SH2D4A: variants seen among roughly 807,000 people sequenced by gnomAD.
SH2D4A encodes the protein SH2 domain containing 4A.
Under a neutral mutation model 64.7 loss-of-function variants are expected in SH2D4A, and 70 were observed. The ratio of observed to expected loss-of-function variants is 1.08; its 90% confidence interval spans 0.89 to 1.32. The LOEUF is 1.32. Ranked by LOEUF, SH2D4A falls within the 40% of genes most tolerant of loss-of-function variation. The pLI is 0.00. For synonymous variants in SH2D4A, 268 were observed against 200.7 expected, an observed-to-expected ratio of 1.34 and a Z score of -2.83; for missense variants, 706 against 540.1, an observed-to-expected ratio of 1.31 and a Z score of -3.04.
intron 4 of SH2D4A, among the ~76,000 whole-genome samples, chr8:19,354,774 T>C (rs893828704): frequency 3.9e-5 from 6 of 152,182 alleles, no homozygotes; most frequent in African/African-American, 1.4e-4. Context: ...TGGCGGGATA[T>C]TGAGGGGAAA....
At chr8:19,381,921 C>A (rs942577372) in intron 8 of SH2D4A, among the ~76,000 whole-genome samples, 1 of 151,812 alleles carries the variant, frequency 6.6e-6, no homozygotes, top group African/African-American at 2.4e-5. Context: ...TTCATTTATC[C>A]TGTTAATACG....
Position 19,334,849 on chromosome 8 carries a change from A to G in SH2D4A, c.505A>G (p.Lys169Glu). 1 of 1,603,114 alleles carries G rather than the reference A, an allele frequency of 6.2e-7. No individual in the cohort carries two copies. Among genetic ancestry groups the G allele is most frequent in the Non-Finnish European group, 8.5e-7 (1 of 1,177,352 alleles). ...GCCAGCACCAACCCTGGAAGAAGAG[A>G]AAATCCGAGTGAGTCCTTACTGTCT... ...SRPAPTLEEE[K>E]IRSLSSSSRN... The change falls in exon 4 of 10, where the codon AAA becomes GAA. Residue 169 changes from lysine to glutamate, a missense_variant. Physicochemically the swap from Lys to Glu is moderately conservative, Grantham distance 56. Transcript: ENST00000265807.
chr8:19,366,586 G>A (rs979511202), intron 7 of SH2D4A, among the ~76,000 whole-genome samples: 3 of 152,124 alleles, frequency 2.0e-5, no homozygotes, highest in Admixed American at 2.0e-4. Flanking sequence ...CATGAGGTCA[G>A]GAGTTCGAGA....
intron 8 of SH2D4A, among the ~76,000 whole-genome samples, chr8:19,374,472 T>C (rs1262629212): frequency 6.6e-6 from 1 of 152,214 alleles, no homozygotes; most frequent in Non-Finnish European, 1.5e-5. Context: ...GTCCTAAGCA[T>C]GTCTTGGTTT....
chr8:19,334,733 A>T lies in SH2D4A; in HGVS notation c.389A>T (p.Gln130Leu). 1 of 1,612,974 alleles carries T rather than the reference A, an allele frequency of 6.2e-7. No homozygotes were observed. The change falls in exon 4 of 10, where the codon CAG (glutamine) becomes CTG (leucine). Residue 130 changes from glutamine (Q) to leucine (L), a missense_variant. Coordinates refer to ENST00000265807, the MANE Select transcript of SH2D4A (RefSeq NM_022071.4). ...EFTNSLKTKSQYHDLQAPDNQ... is the reference protein window; with the variant it reads ...EFTNSLKTKSLYHDLQAPDNQ... ...ACCAATAGCTTGAAAACAAAATCACAGTACCATGATCTGCAGGCTCCGGAT... is the reference window on the plus strand; with the variant it reads ...ACCAATAGCTTGAAAACAAAATCACTGTACCATGATCTGCAGGCTCCGGAT...
chr8:19,363,280 T>C (rs2052925159), intron 6 of SH2D4A, among the ~76,000 whole-genome samples: 2 of 152,090 alleles, frequency 1.3e-5, no homozygotes, highest in South Asian at 4.1e-4. Context: ...TTTCACCATG[T>C]TGGCCAGGCT....
intron 4 of SH2D4A, among the ~76,000 whole-genome samples, chr8:19,339,743 C>T (rs919024319): frequency 3.9e-5 from 6 of 152,082 alleles, no homozygotes; most frequent in African/African-American, 1.4e-4. Flanking sequence ...TCAGGTGATC[C>T]TCCCACCTCA....
At chr8:19,384,023 T>A (rs2053343241) in intron 8 of SH2D4A, among the ~76,000 whole-genome samples, 1 of 152,236 alleles carries the variant, frequency 6.6e-6, no homozygotes, top group African/African-American at 2.4e-5. Flanking sequence ...ATCAGATTTG[T>A]GCAGTTTAAG....
intron 2 of SH2D4A, among the ~76,000 whole-genome samples, chr8:19,325,255 A>T (rs2052258822): frequency 6.6e-6 from 1 of 152,042 alleles, no homozygotes; most frequent in Non-Finnish European, 1.5e-5. Flanking sequence ...TTCCATAGAG[A>T]TTTCCCACTA....
chr8:19,373,778 CA>C, intron 8 of SH2D4A, 118 bp downstream of exon 8: 3 of 1,326,904 alleles, frequency 2.3e-6, no homozygotes, highest in African/African-American at 1.5e-5. Flanking sequence ...AAGAGTCTTT[CA>C]GATTATTTCA....
intron 4 of SH2D4A, among the ~76,000 whole-genome samples, chr8:19,353,656 C>T (rs2052743175): frequency 6.7e-6 from 1 of 149,158 alleles, no homozygotes; most frequent in African/African-American, 2.5e-5. Context: ...CGTGAGCCAC[C>T]ACACCTGGCC....
chr8:19,343,462 A>C (rs2052560054), intron 4 of SH2D4A, among the ~76,000 whole-genome samples: 1 of 152,048 alleles, frequency 6.6e-6, no homozygotes, highest in Admixed American at 6.6e-5. Flanking sequence ...TTTTTTAAAA[A>C]CTTGCCTTGT....
chr8:19,339,698 G>T (rs562798382), intron 4 of SH2D4A, among the ~76,000 whole-genome samples: 1 of 151,714 alleles, frequency 6.6e-6, no homozygotes, highest in Admixed American at 6.6e-5. Context: ...ATGGGATCTC[G>T]CTGTATTGCC....
At chr8:19,321,204 A>AT (rs55936925) in intron 2 of SH2D4A, among the ~76,000 whole-genome samples, 8 of 150,610 alleles carry the variant, frequency 5.3e-5, no homozygotes, top group East Asian at 2.0e-4. Context: ...AGAGAAGTTC[A>AT]TTTTTTTTTT....
At chr8:19,374,664 G>T (rs1317067) in intron 8 of SH2D4A, among the ~76,000 whole-genome samples, 7,666 of 152,222 alleles carry the variant, frequency 0.05, 657 homozygotes, top group African/African-American at 0.17. Flanking sequence ...ACTGTCTGGC[G>T]TCTCTTGGAA....
chr8:19,352,799 G>A (rs2052728738), intron 4 of SH2D4A, among the ~76,000 whole-genome samples: 1 of 152,134 alleles, frequency 6.6e-6, no homozygotes, highest in Admixed American at 6.5e-5. Flanking sequence ...TTGAGCTCAG[G>A]AGTTTGAAAC....
At chr8:19,391,744 G>A (rs2053496289) in intron 8 of SH2D4A, among the ~76,000 whole-genome samples, 1 of 152,142 alleles carries the variant, frequency 6.6e-6, no homozygotes, top group Non-Finnish European at 1.5e-5. Context: ...TCAAGGGTCT[G>A]TTTACAGAAA....
At chr8:19,359,411 C>T (rs1031798305) in intron 5 of SH2D4A, among the ~76,000 whole-genome samples, 9 of 152,200 alleles carry the variant, frequency 5.9e-5, no homozygotes, top group Non-Finnish European at 1.2e-4. Flanking sequence ...TCCTCAGCAA[C>T]AATATCCATG....
At chr8:19,337,368 A>T (rs1040724863) in intron 4 of SH2D4A, among the ~76,000 whole-genome samples, 3 of 152,198 alleles carry the variant, frequency 2.0e-5, no homozygotes, top group Non-Finnish European at 4.4e-5. Flanking sequence ...AGTGGTCTGA[A>T]TATTTATCCC....
Sources: allele counts gnomAD v4.1 joint callset (sites outside exome capture counted in the v4.1 genomes callset), GRCh38; gene constraint gnomAD v4.1.1; transcripts MANE v1.5; gene names NCBI Gene and HGNC (gene_info 2026-07-23, HGNC 2026-07-21).